QSOX2: variants seen among roughly 807,000 people sequenced by gnomAD.
QSOX2 encodes the protein quiescin sulfhydryl oxidase 2.
QSOX2 carries 46 observed loss-of-function variants against 61.7 expected under a neutral mutation model. That is an observed-to-expected ratio of 0.75 (90% CI 0.59 to 0.95). The LOEUF (loss-of-function observed/expected upper bound fraction) is 0.95. Ranked by LOEUF, QSOX2 falls within the 40% of genes least tolerant of loss-of-function variation. The pLI is 0.00. For missense variants in QSOX2, 879 were observed against 918.9 expected (o/e 0.96, Z 0.56); for synonymous variants, 383 against 388.4 (o/e 0.99, Z 0.16).
chr9:136,238,335 C>G (rs1027694496), intron 1 of QSOX2, among the ~76,000 whole-genome samples: 27 of 152,250 alleles, frequency 1.8e-4, no homozygotes, highest in African/African-American at 6.3e-4. Context: ...GCGTGCCCAC[C>G]TCCCTGCACC....
chr9:136,217,450 C>T (rs937370834), intron 8 of QSOX2, among the ~76,000 whole-genome samples: 2 of 152,222 alleles, frequency 1.3e-5, no homozygotes, highest in East Asian at 1.9e-4. Flanking sequence ...TCACAGGTGG[C>T]GATGCCAGAC....
In QSOX2 at chr9:136,222,294, C is replaced by A. The variant is rs1830226655; in HGVS notation, c.676-353G>T. Among the ~76,000 whole-genome samples the A allele has an allele frequency of 6.6e-6, 1 of 152,346 alleles. No homozygotes were observed. The highest frequency in any genetic ancestry group is 1.5e-5 in the Non-Finnish European group (1 of 68,036). ...CAGCCACACCCCACGGCCTCGCACT[C>A]CCGTCCCGCGTGTGGAAGCTTCGTG... is the stretch of plus-strand genomic sequence containing the variant. On this transcript the variant is annotated intron_variant, in intron 5 of 11. Transcript: ENST00000358701. This position sits in a 1 kb window ranked among gnomAD's most constrained non-coding sequence, Gnocchi z 6.9.
At chr9:136,242,278 C>A (rs1412487630) in intron 1 of QSOX2, among the ~76,000 whole-genome samples, 1 of 152,268 alleles carries the variant, frequency 6.6e-6, no homozygotes, top group Non-Finnish European at 1.5e-5. Flanking sequence ...AACAAAGGTG[C>A]CCTGGCCTGT....
intron 1 of QSOX2, among the ~76,000 whole-genome samples, chr9:136,238,902 C>T (rs1250484850): frequency 6.6e-6 from 1 of 152,214 alleles, no homozygotes; most frequent in African/African-American, 2.4e-5. Flanking sequence ...CCCATCGTCC[C>T]AGCTACTTAG....
chr9:136,214,248 T>C (rs923208366), intron 10 of QSOX2, among the ~76,000 whole-genome samples: 9 of 152,310 alleles, frequency 5.9e-5, no homozygotes, highest in African/African-American at 2.2e-4. Context: ...TAATTGAAAA[T>C]TATTAAATCC....
Position 136,221,331 on chromosome 9 carries a change from G to C in QSOX2, c.821+465C>G, listed in dbSNP as rs1272858071. The stretch of plus-strand genomic sequence containing the variant: ...CAAGGTTCTGCAGTTCTTAGAGAAA[G>C]AGCAGAACGTGAGGGGCAGGGCCTG... On this transcript the variant is annotated intron_variant, in intron 6 of 11. Transcript: ENST00000358701. The surrounding 1 kb of genome is among the most constrained non-coding windows in gnomAD (Gnocchi z 4.5). Among the ~76,000 whole-genome samples the C allele has an allele frequency of 6.6e-6, 1 of 152,230 alleles. No individual in the cohort carries two copies. The highest frequency in any genetic ancestry group is 1.5e-5 in the Non-Finnish European group (1 of 68,042).
chr9:136,220,503 A>G (rs1014134138), intron 6 of QSOX2, among the ~76,000 whole-genome samples: 4 of 152,192 alleles, frequency 2.6e-5, no homozygotes, highest in African/African-American at 9.7e-5. Context: ...GTGAGTCACC[A>G]AGAGCCGCAG....
intron 1 of QSOX2, among the ~76,000 whole-genome samples, chr9:136,233,181 C>T (rs1482345842): frequency 4.6e-5 from 7 of 152,182 alleles, no homozygotes; most frequent in Non-Finnish European, 7.3e-5. Context: ...ACAAGAAAGA[C>T]AAACAGCAGC....
In QSOX2 at chr9:136,237,016, G is replaced by A. The variant is rs185808549; in HGVS notation, c.328+8460C>T. On this transcript the variant is annotated intron_variant, in intron 1 of 11. Transcript: ENST00000358701. ...CGTCACCTGGAGCCCGTCCTGGGCC[G>A]GTGTCACCTGGAGCCTGTCCTGTGC... Among the ~76,000 whole-genome samples, 432 of 101,180 alleles carry A rather than the reference G, an allele frequency of 4.3e-3. 4 individuals carry two copies. The highest frequency in any genetic ancestry group is 0.023 in the Middle Eastern group (2 of 88). 66.4% of individuals were successfully genotyped at this position (101,180 alleles called of 152,430 possible). A position where few individuals can be genotyped will look rare whatever the true frequency, so the allele number is the denominator to read the frequency against.
Position 136,222,153 on chromosome 9 carries a change from C to A in QSOX2, c.676-212G>T, listed in dbSNP as rs543426476. Among the ~76,000 whole-genome samples, 1 of 152,226 alleles carries A rather than the reference C, an allele frequency of 6.6e-6. No homozygotes were observed. The highest frequency in any genetic ancestry group is 1.5e-5 in the Non-Finnish European group (1 of 68,042). Reference sequence around the variant, plus strand: ...CATGAGCAGAAACCACGGTCTTATTCGGCAATTTTACAAACTCATCAAAGA... The same window carrying A: ...CATGAGCAGAAACCACGGTCTTATTAGGCAATTTTACAAACTCATCAAAGA... On this transcript the variant is annotated intron_variant, in intron 5 of 11. Transcript: ENST00000358701. This position sits in a 1 kb window ranked among gnomAD's most constrained non-coding sequence, Gnocchi z 6.9.
rs768957094 is a variant in QSOX2, at chr9:136,209,108, C to T, written c.1717G>A (p.Ala573Thr). 1.8e-5 allele frequency: 29 copies of T among 1,614,046 alleles called. No individual in the cohort carries two copies. The highest frequency in any genetic ancestry group is 9.3e-5 in the African/African-American group (7 of 74,930). ...CCTTCACTGGAATCCCCCTGGTCTG[C>T]GGAATACGTGTCTAAGAGGTTGTCG... Reference protein sequence around the residue: ...GRDNLLDTYSADQGDSSEGGT... With the variant: ...GRDNLLDTYSTDQGDSSEGGT... The change falls in exon 12 of 12, where the codon GCA (alanine) becomes ACA (threonine). Residue 573 changes from alanine (A) to threonine (T), a missense_variant. Transcript: ENST00000358701. This position sits in a 1 kb window ranked among gnomAD's most constrained non-coding sequence, Gnocchi z 5.6.
intron 11 of QSOX2, among the ~76,000 whole-genome samples, 196 bp downstream of exon 11, chr9:136,211,068 G>A (rs767995075): frequency 8.4e-4 from 128 of 152,200 alleles, no homozygotes; most frequent in Non-Finnish European, 1.2e-4. Context: ...AGAAAGCCGG[G>A]GACAGAAGCA....
chr9:136,223,821 C>A lies in QSOX2; in HGVS notation c.617G>T (p.Arg206Leu). Residue 206 changes from arginine (R) to leucine (L), a missense_variant, in exon 5 of 12, where the codon CGT (arginine) becomes CTT (leucine). Transcript: ENST00000358701. This position sits in a 1 kb window ranked among gnomAD's most constrained non-coding sequence, Gnocchi z 4.4. Reference sequence around the variant, plus strand: ...GACAATAGCCACGTAATGGCTGCCACGGTTGTCAAGAAGGGAAAGAACATC... The same window carrying A: ...GACAATAGCCACGTAATGGCTGCCAAGGTTGTCAAGAAGGGAAAGAACATC... ...PSDVLSLLDN[R>L]GSHYVAIVFE... 1 of 1,614,016 alleles carries A rather than the reference C, an allele frequency of 6.2e-7. No homozygotes were observed. The highest frequency in any genetic ancestry group is 8.5e-7 in the Non-Finnish European group (1 of 1,180,018).
At chr9:136,229,514 TA>T (rs397946152) in intron 1 of QSOX2, among the ~76,000 whole-genome samples, 1 of 151,958 alleles carries the variant, frequency 6.6e-6, no homozygotes, top group Non-Finnish European at 1.5e-5. Flanking sequence ...ACACTTTTTT[TA>T]AAAAAAAGCA....
At position 136,245,649 on chromosome 9, in the gene QSOX2, G is replaced by C; in HGVS notation, c.155C>G (p.Ala52Gly). 1 of 1,286,258 alleles carries C rather than the reference G, an allele frequency of 7.8e-7. No homozygotes were observed. Among genetic ancestry groups the C allele is most frequent in the Non-Finnish European group, 9.8e-7 (1 of 1,019,996 alleles). 79.7% of individuals were successfully genotyped at this position (1,286,258 alleles called of 1,614,324 possible). Reference protein sequence around the residue: ...AAAVGPGAGGAARLYRAGEDA... With the variant: ...AAAVGPGAGGGARLYRAGEDA... ...CTCGCCCGCGCGGTACAGCCGCGCC[G>C]CACCGCCCGCGCCCGGCCCCACCGC... Residue 52 changes from alanine to glycine, a missense_variant, in exon 1 of 12, where the codon GCG becomes GGG. Transcript: ENST00000358701.
In QSOX2 at chr9:136,239,663, C is replaced by A. The variant is rs373770066; in HGVS notation, c.328+5813G>T. ...TCCGCAGGGGCAGCACCTCGACCTG[C>A]CTCAGTAGAGCTACGCTCCCAACAC... On this transcript the variant is annotated intron_variant, in intron 1 of 11. Coordinates refer to ENST00000358701, the MANE Select transcript of QSOX2 (RefSeq NM_181701.4). Among the ~76,000 whole-genome samples the A allele has an allele frequency of 2.6e-5, 4 of 152,380 alleles. No homozygotes were observed. The East Asian group carries it at 5.8e-4, about 22-fold the overall frequency.
At chr9:136,214,071 T>C (rs1448597384) in intron 10 of QSOX2, among the ~76,000 whole-genome samples, 1 of 152,154 alleles carries the variant, frequency 6.6e-6, no homozygotes, top group Non-Finnish European at 1.5e-5. Context: ...AGCGTTGAAC[T>C]GTGTGAGTCA....
At chr9:136,228,853 TA>T (rs1368919805) in intron 1 of QSOX2, among the ~76,000 whole-genome samples, 3 of 152,234 alleles carry the variant, frequency 2.0e-5, no homozygotes, top group African/African-American at 7.2e-5. Flanking sequence ...CCCACTTGTC[TA>T]AATCAATGAT....
At chr9:136,234,923 C>T (rs1358223066) in intron 1 of QSOX2, among the ~76,000 whole-genome samples, 1 of 152,216 alleles carries the variant, frequency 6.6e-6, no homozygotes, top group Non-Finnish European at 1.5e-5. Flanking sequence ...GACTGTGTGA[C>T]CCCCGCTCCC....
Sources: gnomAD v4.1 joint callset for allele counts (sites outside exome capture counted in the v4.1 genomes callset) on GRCh38, gnomAD v4.1.1 for gene constraint, Gnocchi (gnomAD v3.1) non-coding constraint, MANE v1.5 for transcripts, NCBI Gene and HGNC (gene_info 2026-07-23, HGNC 2026-07-21) for gene names.